Variants in CEP57L1 observed in about 807,000 individuals in gnomAD.
CEP57L1 encodes the protein centrosomal protein CEP57L1.
A neutral mutation model predicts 61.0 loss-of-function variants in CEP57L1; 37 were observed. The observed-to-expected ratio is 0.61, with a 90% CI of 0.47 to 0.80. CEP57L1 has a LOEUF of 0.80. Among genes scored for constraint, CEP57L1 ranks in the 30% least tolerant of loss-of-function variants. CEP57L1 has a pLI of 0.00. For missense variants in CEP57L1, 422 were observed against 524.7 expected (o/e 0.80, Z 1.91); for synonymous variants, 137 against 162.3 (o/e 0.84, Z 1.19).
intron 1 of CEP57L1, among the ~76,000 whole-genome samples, chr6:109,098,140 C>T (rs1781937193): frequency 6.6e-6 from 1 of 151,238 alleles, no homozygotes; most frequent in Non-Finnish European, 1.5e-5. Context: ...CTCTCTCTTT[C>T]TCTCTCTCTC....
intron 1 of CEP57L1, among the ~76,000 whole-genome samples, chr6:109,136,574 A>AC (rs973167008): frequency 1.3e-5 from 2 of 151,426 alleles, no homozygotes; most frequent in African/African-American, 4.8e-5. Flanking sequence ...AAAAAAAAAA[A>AC]AAAGATACCA....
At chr6:109,099,752 G>A (rs1237553174) in intron 1 of CEP57L1, among the ~76,000 whole-genome samples, 1 of 152,126 alleles carries the variant, frequency 6.6e-6, no homozygotes, top group East Asian at 1.9e-4. Flanking sequence ...GTTTCACCAT[G>A]TTGGGCAGGA....
At chr6:109,124,584 A>G (rs181397856) in intron 1 of CEP57L1, among the ~76,000 whole-genome samples, 4 of 152,340 alleles carry the variant, frequency 2.6e-5, no homozygotes, top group Admixed American at 6.5e-5. Context: ...GCATTGGTAC[A>G]TGGATTTAGT....
Position 109,144,020 on chromosome 6 carries a change from C to T in CEP57L1, c.-3-1199C>T, listed in dbSNP as rs115897173. Among the ~76,000 whole-genome samples, 1,207 of 152,176 alleles carry T rather than the reference C, an allele frequency of 7.9e-3. 20 individuals are homozygous for T. The highest frequency in any genetic ancestry group is 0.028 in the African/African-American group (1,154 of 41,518). The stretch of plus-strand genomic sequence containing the variant: ...AACAACTTAGATAGATGCGGTATCC[C>T]ATGGGGAGCAGGCAGTGTCTGAGAT... On this transcript the variant is annotated intron_variant, in intron 1 of 10. Transcript: ENST00000517392.
At chr6:109,125,377 G>A (rs1442415638) in intron 1 of CEP57L1, among the ~76,000 whole-genome samples, 1 of 151,594 alleles carries the variant, frequency 6.6e-6, no homozygotes, top group Non-Finnish European at 1.5e-5. Flanking sequence ...ACTAATCAGT[G>A]AAGTCCCACA....
chr6:109,151,790 C>T (rs190581678), intron 4 of CEP57L1, among the ~76,000 whole-genome samples: 218 of 152,256 alleles, frequency 1.4e-3, no homozygotes, highest in African/African-American at 4.9e-3. Context: ...TTCTAGGTGA[C>T]ATCTTTTCTT....
At chr6:109,155,687 C>G in intron 6 of CEP57L1, 104 bp from the exon 7 acceptor site, 1 of 642,240 alleles carries the variant, frequency 1.6e-6, no homozygotes, top group Non-Finnish European at 2.7e-6. Flanking sequence ...TTCTTTTCTT[C>G]TCCAAAAAGC....
chr6:109,157,659 A>G (rs934319663), intron 7 of CEP57L1: 1 of 152,226 alleles, frequency 6.6e-6, no homozygotes, highest in African/African-American at 2.4e-5. Flanking sequence ...AGATGGGATC[A>G]TAATGAAAGT....
intron 1 of CEP57L1, among the ~76,000 whole-genome samples, chr6:109,137,673 G>T (rs1414546115): frequency 3.9e-5 from 6 of 152,168 alleles, no homozygotes; most frequent in South Asian, 4.1e-4. Context: ...GCTAGTTTGG[G>T]ATATTTATTT....
chr6:109,113,655 G>C (rs1305593977), intron 1 of CEP57L1, among the ~76,000 whole-genome samples: 1 of 152,056 alleles, frequency 6.6e-6, no homozygotes, highest in African/African-American at 2.4e-5. Context: ...GCCAAATATA[G>C]TTTAAATGTG....
chr6:109,139,152 A>G (rs1162696281), intron 1 of CEP57L1, among the ~76,000 whole-genome samples: 1 of 152,216 alleles, frequency 6.6e-6, no homozygotes, highest in Non-Finnish European at 1.5e-5. Context: ...GCCACCAAAC[A>G]ACTAACAGGT....
intron 1 of CEP57L1, among the ~76,000 whole-genome samples, chr6:109,135,201 T>C (rs1469275577): frequency 6.6e-6 from 1 of 152,052 alleles, no homozygotes; most frequent in African/African-American, 2.4e-5. Context: ...GCATGGTACC[T>C]ATACCAAAAC....
chr6:109,107,324 A>C (rs1358285601), intron 1 of CEP57L1, among the ~76,000 whole-genome samples: 1 of 151,908 alleles, frequency 6.6e-6, no homozygotes, highest in Non-Finnish European at 1.5e-5. Flanking sequence ...TATTTTTTTA[A>C]AGTTATGTAT....
At chr6:109,123,214 TTTA>T (rs759716957) in intron 1 of CEP57L1, among the ~76,000 whole-genome samples, 1 of 151,904 alleles carries the variant, frequency 6.6e-6, no homozygotes, top group African/African-American at 2.4e-5. Flanking sequence ...TATCTTTGTT[TTTA>T]TTATTATTAT....
Position 109,169,895 on chromosome 6 carries a change from C to T in CEP57L1, c.*6925C>T, listed in dbSNP as rs903801174. Among the ~76,000 whole-genome samples, 1 of 152,122 alleles carries T rather than the reference C, an allele frequency of 6.6e-6. No homozygotes were observed. The highest frequency in any genetic ancestry group is 1.5e-5 in the Non-Finnish European group (1 of 68,020). On this transcript the variant is annotated 3_prime_UTR_variant, in exon 11 of 11. Transcript: ENST00000517392. ...GAAAATTAAAAACCTGATAATACCACCAATGTAGTACTCTTTAAAAACATG... is the reference window on the plus strand; with the variant it reads ...GAAAATTAAAAACCTGATAATACCATCAATGTAGTACTCTTTAAAAACATG...
At chr6:109,148,224 C>A (rs999536607) in intron 3 of CEP57L1, among the ~76,000 whole-genome samples, 1 of 151,976 alleles carries the variant, frequency 6.6e-6, no homozygotes, top group African/African-American at 2.4e-5. Flanking sequence ...CCCATTAACT[C>A]GTCATTTAGC....
rs1256467872 is a variant in CEP57L1 at position 109,097,457 on chromosome 6, C to G, written c.-4+1882C>G. ...TGACATCATCTGGTACTCTTTCAGA[C>G]TAACTTCATATATTGCCCTCCAGAT... is the stretch of plus-strand genomic sequence containing the variant. On this transcript the variant is annotated intron_variant, in intron 1 of 10. Coordinates refer to ENST00000517392, the MANE Select transcript of CEP57L1 (RefSeq NM_001271852.3). 5.9e-5 allele frequency among the ~76,000 whole-genome samples: 9 copies of G among 152,300 alleles called. No individual in the cohort carries two copies. The East Asian group carries it at 1.7e-3, about 29-fold the overall frequency.
intron 1 of CEP57L1, among the ~76,000 whole-genome samples, chr6:109,121,796 T>C (rs547133769): frequency 4.0e-4 from 61 of 152,342 alleles, no homozygotes; most frequent in African/African-American, 1.4e-3. Context: ...ATTATAAATA[T>C]GGTTAAATGT....
At chr6:109,151,640 AG>A (rs1258295326) in intron 4 of CEP57L1, among the ~76,000 whole-genome samples, 12 of 152,246 alleles carry the variant, frequency 7.9e-5, no homozygotes, top group Non-Finnish European at 1.5e-4. Flanking sequence ...ATTTTTGTGT[AG>A]ATTTTGTTTT....
Sources: gnomAD v4.1 joint callset for allele counts (sites outside exome capture counted in the v4.1 genomes callset) on GRCh38, gnomAD v4.1.1 for gene constraint, MANE v1.5 for transcripts, NCBI Gene and HGNC (gene_info 2026-07-23, HGNC 2026-07-21) for gene names.